Variants in CPNE4 observed in about 807,000 individuals in gnomAD.
CPNE4 encodes copine-4.
Under a neutral mutation model 67.9 loss-of-function variants are expected in CPNE4, and 25 were observed. That is an observed-to-expected ratio of 0.37 (90% CI 0.27 to 0.51). CPNE4 has a LOEUF of 0.51. Among genes scored for constraint, CPNE4 ranks in the 20% least tolerant of loss-of-function variants. The pLI, the probability that CPNE4 is intolerant of heterozygous loss-of-function variation, is 0.93. For synonymous variants in CPNE4, 242 were observed against 244.9 expected (o/e 0.99, Z 0.11); for missense variants, 464 against 690.8 (o/e 0.67, Z 3.68).
At chr3:131,977,852 TC>T (rs1361481638) in intron 1 of CPNE4, among the ~76,000 whole-genome samples, 1 of 151,046 alleles carries the variant, frequency 6.6e-6, no homozygotes, top group Non-Finnish European at 1.5e-5. Context: ...TCCTCCTAGG[TC>T]CCCAAAGTCC....
At chr3:131,559,826 C>G (rs941397746) in intron 11 of CPNE4, among the ~76,000 whole-genome samples, 1 of 151,894 alleles carries the variant, frequency 6.6e-6, no homozygotes, top group African/African-American at 2.4e-5. Context: ...CAAATAGTTA[C>G]GGCATTTAGA....
At position 131,714,917 on chromosome 3, in the gene CPNE4, C is replaced by G. The variant is rs549952800; in HGVS notation, c.360+8529G>C. Among the ~76,000 whole-genome samples the G allele has an allele frequency of 2.0e-5, 3 of 152,270 alleles. No homozygotes were observed. The South Asian group carries it at 6.2e-4, about 32-fold the overall frequency. On this transcript the variant is annotated intron_variant, in intron 3 of 15. Coordinates refer to ENST00000429747, the MANE Select transcript of CPNE4 (RefSeq NM_130808.3). ...GATTTCCCAGCCCCACTTATGATGA[C>G]AGAAAGCAGGAAGTTCTTGGCTTTG...
At chr3:131,945,491 C>T (rs931745253) in intron 1 of CPNE4, among the ~76,000 whole-genome samples, 19 of 152,130 alleles carry the variant, frequency 1.2e-4, no homozygotes, top group African/African-American at 4.6e-4. Context: ...TGGGTGATTC[C>T]AGCCCAATGC....
chr3:131,810,723 T>C (rs1179803168), intron 2 of CPNE4, among the ~76,000 whole-genome samples: 1 of 152,062 alleles, frequency 6.6e-6, no homozygotes, highest in East Asian at 1.9e-4. Flanking sequence ...CTGGAAGAAA[T>C]ATCTGCACTG....
chr3:131,947,176 C>A (rs543443276), intron 1 of CPNE4, among the ~76,000 whole-genome samples: 1 of 152,288 alleles, frequency 6.6e-6, no homozygotes, highest in Non-Finnish European at 1.5e-5. Context: ...TTTGGGGGCA[C>A]TGCAATTCCA....
At chr3:131,765,394 G>A (rs1478613282) in intron 2 of CPNE4, among the ~76,000 whole-genome samples, 2 of 152,086 alleles carry the variant, frequency 1.3e-5, no homozygotes, top group South Asian at 2.1e-4. Flanking sequence ...GCTTATTTAT[G>A]AAGACTAATG....
At chr3:131,764,286 A>G (rs1407507827) in intron 2 of CPNE4, among the ~76,000 whole-genome samples, 6 of 151,706 alleles carry the variant, frequency 4.0e-5, no homozygotes, top group Non-Finnish European at 8.8e-5. Flanking sequence ...GGAAAAAAAA[A>G]AGAGAATATA....
intron 2 of CPNE4, among the ~76,000 whole-genome samples, chr3:131,876,543 G>A (rs1381552144): frequency 1.3e-5 from 2 of 148,494 alleles, no homozygotes; most frequent in African/African-American, 5.0e-5. Context: ...TCGGGAGGGT[G>A]AGGCAGGAGA....
chr3:131,847,009 T>C (rs1306220710), intron 2 of CPNE4, among the ~76,000 whole-genome samples: 8 of 152,178 alleles, frequency 5.3e-5, no homozygotes, highest in Admixed American at 1.3e-4. Context: ...GTCAAAGTCA[T>C]ATCGCAGGAA....
chr3:131,735,376 C>T lies in CPNE4; in HGVS notation c.181-11751G>A, dbSNP rs1385305340. 2.0e-5 allele frequency among the ~76,000 whole-genome samples: 3 copies of T among 152,306 alleles called. No homozygotes were observed. In the East Asian group the frequency reaches 5.8e-4, roughly 29 times the overall value. On this transcript the variant is annotated intron_variant, in intron 2 of 15. Transcript: ENST00000429747. ...TGATTAATACTTTAAAGCAGCATTT[C>T]CTGAAGCATGTTTCATGAACACTAG...
intron 2 of CPNE4, among the ~76,000 whole-genome samples, chr3:131,819,309 T>C (rs1234101356): frequency 6.6e-6 from 1 of 152,140 alleles, no homozygotes; most frequent in Admixed American, 6.5e-5. Context: ...CATTAGCATG[T>C]AAAAGGAAAA....
At chr3:131,631,880 C>G (rs866031415) in intron 7 of CPNE4, among the ~76,000 whole-genome samples, 2 of 150,244 alleles carry the variant, frequency 1.3e-5, no homozygotes, top group African/African-American at 5.0e-5. Flanking sequence ...ATTATCCCCC[C>G]TCCCCAACAC....
chr3:131,917,532 C>T (rs1297438593), intron 1 of CPNE4, among the ~76,000 whole-genome samples: 2 of 151,886 alleles, frequency 1.3e-5, no homozygotes, highest in African/African-American at 4.8e-5. Flanking sequence ...CATTCATACA[C>T]AGACACACAC....
chr3:131,869,594 A>G (rs1044154464), intron 2 of CPNE4, among the ~76,000 whole-genome samples: 4 of 152,188 alleles, frequency 2.6e-5, no homozygotes, highest in Non-Finnish European at 5.9e-5. Context: ...ATAATAATGG[A>G]ACATTTTTAG....
chr3:132,037,069 C>A (rs1168598896), upstream of CPNE4, among the ~76,000 whole-genome samples: 2 of 152,118 alleles, frequency 1.3e-5, no homozygotes, highest in African/African-American at 4.8e-5. Context: ...TCTAAAGGGG[C>A]AGCTAGAATA....
At chr3:132,029,139 ATT>A (rs1323519965) in intron 1 of CPNE4, among the ~76,000 whole-genome samples, 1 of 152,140 alleles carries the variant, frequency 6.6e-6, no homozygotes, top group Non-Finnish European at 1.5e-5. Context: ...TAAACAAGGT[ATT>A]TCCGGATTCA....
intron 7 of CPNE4, among the ~76,000 whole-genome samples, chr3:131,609,423 A>G (rs1374412767): frequency 6.6e-6 from 1 of 152,142 alleles, no homozygotes; most frequent in East Asian, 1.9e-4. Context: ...GTAGTTAGGA[A>G]TGAGGTGTGC....
intron 1 of CPNE4, among the ~76,000 whole-genome samples, chr3:131,955,417 T>TTTTTTTTTTTTTTTTG (rs2071926292): frequency 8.0e-6 from 1 of 125,042 alleles, no homozygotes; most frequent in African/African-American, 3.4e-5. Flanking sequence ...AAGGTTTTTT[T>TTTTTTTTTTTTTTTTG]TTTTTTTTTT....
intron 7 of CPNE4, among the ~76,000 whole-genome samples, chr3:131,668,919 T>C (rs549513026): frequency 1.4e-4 from 22 of 152,316 alleles, no homozygotes; most frequent in Non-Finnish European, 2.9e-5. Context: ...TGGAGCTTCT[T>C]CCACCAAGAG....
Sources: gnomAD v4.1 joint callset for allele counts (sites outside exome capture counted in the v4.1 genomes callset) on GRCh38, gnomAD v4.1.1 for gene constraint, MANE v1.5 for transcripts, NCBI Gene and HGNC (gene_info 2026-07-23, HGNC 2026-07-21) for gene names.